MYO3A: variants seen among roughly 807,000 people sequenced by gnomAD.
The protein encoded by MYO3A is myosin-IIIa.
A neutral mutation model predicts 192.7 loss-of-function variants in MYO3A; 180 were observed. The observed-to-expected ratio is 0.93, with a 90% confidence interval of 0.83 to 1.06. The LOEUF is 1.06. Ranked by LOEUF, MYO3A falls within the 50% of genes least tolerant of loss-of-function variation. MYO3A has a pLI of 0.00. For synonymous variants in MYO3A, 628 were observed against 645.3 expected, an observed-to-expected ratio of 0.97 and a Z score of 0.41; for missense variants, 1,896 against 1,905.0, an observed-to-expected ratio of 1.00 and a Z score of 0.09.
intron 20 of MYO3A, among the ~76,000 whole-genome samples, chr10:26,129,335 A>C (rs1839402043): frequency 6.6e-6 from 1 of 152,320 alleles, no homozygotes; most frequent in Non-Finnish European, 1.5e-5. Flanking sequence ...GAAGACATAA[A>C]TTTAAGACCT....
chr10:26,192,614 G>A (rs979627150), intron 31 of MYO3A, among the ~76,000 whole-genome samples: 4 of 148,774 alleles, frequency 2.7e-5, no homozygotes, highest in Non-Finnish European at 4.5e-5. Context: ...ATTCTTTCTC[G>A]TTCTTTCCTT....
rs754359610 is a variant in MYO3A, at chr10:25,997,152, C to T, written c.409-7C>T. The T allele has an allele frequency of 5.6e-6, 9 of 1,606,504 alleles. No homozygotes were observed. The highest frequency in any genetic ancestry group is 7.7e-6 in the Non-Finnish European group (9 of 1,173,450). On this transcript the variant is annotated splice_polypyrimidine_tract_variant and splice_region_variant and intron_variant, in intron 5 of 34. Transcript: ENST00000642920. ...TTAAGAGTCATTATATATTTCTTAT[C>T]TTCTAGGGACTTCAACATTTGCATA...
At chr10:26,049,673 C>CTTTTTTTTTTT (rs66467075) in intron 10 of MYO3A, among the ~76,000 whole-genome samples, 9 of 69,116 alleles carry the variant, frequency 1.3e-4, no homozygotes, top group African/African-American at 1.6e-4. Context: ...TTCTTTCTTT[C>CTTTTTTTTTTT]TTTTTTTTTT....
intron 4 of MYO3A, among the ~76,000 whole-genome samples, 170 bp downstream of exon 4, chr10:25,955,178 A>C (rs1487156762): frequency 6.6e-6 from 1 of 152,150 alleles, no homozygotes; most frequent in Non-Finnish European, 1.5e-5. Context: ...AAACATCAAA[A>C]AATTGAAGGA....
intron 15 of MYO3A, among the ~76,000 whole-genome samples, chr10:26,091,093 C>T (rs1836673721): frequency 6.6e-6 from 1 of 152,158 alleles, no homozygotes. Context: ...AGCAAGGGAG[C>T]CCAAGAATTG....
At position 26,096,645 on chromosome 10, in the gene MYO3A, T is replaced by C. The variant is rs1485611201; in HGVS notation, c.1739T>C (p.Ile580Thr). 1 of 1,601,372 alleles carries C rather than the reference T, an allele frequency of 6.2e-7. No individual in the cohort carries two copies. Among genetic ancestry groups the C allele is most frequent in the Non-Finnish European group, 8.6e-7 (1 of 1,168,440 alleles). The part of the protein sequence containing the change: ...NSFYKSQYEL[I>T]EQCFKVIGFT... ...TTCTATAAATCCCAGTATGAATTAA[T>C]TGAGCAATGTTTCAAAGTCATAGGT... Residue 580 changes from isoleucine (I) to threonine (T), a missense_variant, in exon 17 of 35, where the codon ATT (isoleucine) becomes ACT (threonine). By Grantham distance (89) the Ile-to-Thr change is moderately conservative. Transcript: ENST00000642920.
intron 9 of MYO3A, among the ~76,000 whole-genome samples, chr10:26,024,827 T>G (rs1235172139): frequency 6.6e-6 from 1 of 152,190 alleles, no homozygotes; most frequent in Non-Finnish European, 1.5e-5. Flanking sequence ...GCCAAGCAGT[T>G]AGTATTCTGT....
At chr10:26,044,353 T>C (rs1843520945) in intron 10 of MYO3A, among the ~76,000 whole-genome samples, 2 of 152,232 alleles carry the variant, frequency 1.3e-5, no homozygotes, top group South Asian at 4.1e-4. Flanking sequence ...GACTTACTTA[T>C]GAGTTGCAGT....
intron 26 of MYO3A, among the ~76,000 whole-genome samples, chr10:26,159,514 G>T (rs1208003784): frequency 1.3e-5 from 2 of 150,232 alleles, no homozygotes; most frequent in Non-Finnish European, 3.0e-5. Context: ...CGAGTAGCTG[G>T]GACTACAGGT....
intron 15 of MYO3A, among the ~76,000 whole-genome samples, chr10:26,090,457 A>G (rs1427824592): frequency 6.6e-6 from 1 of 152,222 alleles, no homozygotes; most frequent in Non-Finnish European, 1.5e-5. Context: ...GAACTATTCT[A>G]ATTTTACAAG....
At position 25,954,937 on chromosome 10, in the gene MYO3A, G is replaced by C; in HGVS notation, c.232G>C (p.Val78Leu). 1 of 1,612,448 alleles carries C rather than the reference G, an allele frequency of 6.2e-7. No individual in the cohort carries two copies. Among genetic ancestry groups the C allele is most frequent in the Non-Finnish European group, 8.5e-7 (1 of 1,178,754 alleles). The change falls in exon 4 of 35, where the codon GTG (valine) becomes CTG (leucine). Residue 78 changes from valine to leucine, a missense_variant. Transcript: ENST00000642920. Reference protein sequence around the residue: ...ILKALSDHPNVVRFYGIYFKK... With the variant: ...ILKALSDHPNLVRFYGIYFKK... ...AAAAGCACTTTCTGACCACCCTAAT[G>C]TGGTCAGATTCTATGGGATATACTT...
intron 26 of MYO3A, among the ~76,000 whole-genome samples, chr10:26,163,971 G>A (rs1444728874): frequency 6.6e-6 from 1 of 152,172 alleles, no homozygotes; most frequent in African/African-American, 2.4e-5. Flanking sequence ...CTTGGAGAGA[G>A]CAAGACAGAA....
chr10:26,043,961 G>A (rs1424316350), intron 10 of MYO3A, among the ~76,000 whole-genome samples: 2 of 152,160 alleles, frequency 1.3e-5, no homozygotes, highest in Non-Finnish European at 2.9e-5. Flanking sequence ...CTCACCCAAG[G>A]CCCATGGTGT....
At chr10:26,161,041 CAATA>C (rs1841463105) in intron 26 of MYO3A, among the ~76,000 whole-genome samples, 1 of 152,008 alleles carries the variant, frequency 6.6e-6, no homozygotes, top group South Asian at 2.1e-4. Context: ...AATTACTACA[CAATA>C]AATAAAGAGA....
intron 8 of MYO3A, 69 bp from the exon 9 acceptor site, chr10:26,023,953 T>C: frequency 7.3e-7 from 1 of 1,373,548 alleles, no homozygotes; most frequent in East Asian, 2.3e-5. Context: ...TTAGTCTATC[T>C]GGCTCTGCCT....
At chr10:26,024,123 T>C (rs762023518) in intron 9 of MYO3A, 36 bp downstream of exon 9, 15 of 1,540,312 alleles carry the variant, frequency 9.7e-6, no homozygotes, top group Non-Finnish European at 1.2e-5. Flanking sequence ...ACCAAAGATA[T>C]TCCCTCCTGC....
At chr10:26,179,575 T>C (rs967173688) in intron 31 of MYO3A, among the ~76,000 whole-genome samples, 1 of 152,160 alleles carries the variant, frequency 6.6e-6, no homozygotes, top group South Asian at 2.1e-4. Flanking sequence ...TAAGAACCCA[T>C]TGACATTGTC....
intron 34 of MYO3A, among the ~76,000 whole-genome samples, chr10:26,207,899 C>A (rs775060170): frequency 6.6e-6 from 1 of 152,130 alleles, no homozygotes; most frequent in Non-Finnish European, 1.5e-5. Context: ...TTATTCTGAT[C>A]CATGAACACG....
At chr10:26,090,331 A>G (rs1836623272) in intron 15 of MYO3A, among the ~76,000 whole-genome samples, 1 of 152,334 alleles carries the variant, frequency 6.6e-6, no homozygotes, top group Middle Eastern at 3.4e-3. Context: ...GCTTGTAACC[A>G]TAGAAATAAT....
Sources: gnomAD v4.1 joint callset for allele counts (sites outside exome capture counted in the v4.1 genomes callset) on GRCh38, gnomAD v4.1.1 for gene constraint, MANE v1.5 for transcripts, NCBI Gene and HGNC (gene_info 2026-07-23, HGNC 2026-07-21) for gene names.